The following RIGI variants were observed in gnomAD, a reference collection of about 807,000 sequenced individuals.
RIGI encodes antiviral innate immune response receptor RIG-I.
the RIGI span, among the ~76,000 whole-genome samples, chr9:32,503,793 C>G: frequency 6.6e-6 from 1 of 152,086 alleles, no homozygotes; most frequent in Non-Finnish European, 1.5e-5. Context: ...TCTAATCCCA[C>G]CACTTTGGGA....
the RIGI span, chr9:32,473,151 A>C: frequency 1.0e-6 from 1 of 974,252 alleles, no homozygotes. Flanking sequence ...AAAAAGAAAA[A>C]AATTTAAAGT....
At chr9:32,456,585 A>G in the RIGI span, 4 of 155,394 alleles carry the variant, frequency 2.6e-5, no homozygotes, top group East Asian at 7.6e-4. Context: ...AAAAAAGACT[A>G]GAATAGAACT....
At chr9:32,482,218 T>TG in the RIGI span, among the ~76,000 whole-genome samples, 10 of 151,710 alleles carry the variant, frequency 6.6e-5, no homozygotes, top group African/African-American at 2.4e-4. Context: ...TGTGTGTGTT[T>TG]GATTGTTTCT....
the RIGI span, among the ~76,000 whole-genome samples, chr9:32,461,544 G>A: frequency 2.5e-4 from 38 of 152,282 alleles, no homozygotes; most frequent in East Asian, 3.9e-4. Context: ...CAAGTGCCTC[G>A]TTTCTTTACA....
chr9:32,507,286 C>T, the RIGI span, among the ~76,000 whole-genome samples: 1 of 152,098 alleles, frequency 6.6e-6, no homozygotes, highest in Non-Finnish European at 1.5e-5. Flanking sequence ...TTATCTGTAA[C>T]TCATATAGGA....
chr9:32,475,684 C>G, the RIGI span, among the ~76,000 whole-genome samples: 41 of 152,050 alleles, frequency 2.7e-4, no homozygotes, highest in Non-Finnish European at 5.4e-4. Flanking sequence ...GACTGTAGAC[C>G]TAAATGTAAA....
At chr9:32,478,568 C>CTGAT in the RIGI span, among the ~76,000 whole-genome samples, 1 of 152,066 alleles carries the variant, frequency 6.6e-6, no homozygotes, top group Non-Finnish European at 1.5e-5. Flanking sequence ...TATTGATTGA[C>CTGAT]TGATTGATTG....
At chr9:32,485,130 G>C in the RIGI span, 1 of 1,350,422 alleles carries the variant, frequency 7.4e-7, no homozygotes, top group Non-Finnish European at 1.0e-6. Flanking sequence ...ACAATAAATG[G>C]CTATTCCCCA....
chr9:32,488,168 T>G, the RIGI span: 1 of 1,614,132 alleles, frequency 6.2e-7, no homozygotes, highest in Non-Finnish European at 8.5e-7. Context: ...TGGGACATTC[T>G]CAGCTGTTGC....
chr9:32,499,311 GATTTGTT>G, the RIGI span, among the ~76,000 whole-genome samples: 53 of 81,114 alleles, frequency 6.5e-4, no homozygotes, highest in African/African-American at 2.7e-3. Context: ...CAGAGTTTGT[GATTTGTT>G]TTTTTTTTTT....
At chr9:32,496,353 G>A in the RIGI span, among the ~76,000 whole-genome samples, 1 of 152,204 alleles carries the variant, frequency 6.6e-6, no homozygotes, top group East Asian at 1.9e-4. Context: ...GGGTGTGTCT[G>A]TAAGGGTGTT....
At chr9:32,457,301 G>A in the RIGI span, 2 of 1,614,066 alleles carry the variant, frequency 1.2e-6, no homozygotes, top group Non-Finnish European at 1.7e-6. Context: ...CTGCAGTTCT[G>A]TCGGGCACAG....
the RIGI span, chr9:32,456,862 GT>G: frequency 4.9e-6 from 2 of 410,642 alleles, no homozygotes; most frequent in Non-Finnish European, 8.7e-6. Context: ...TTTGTTGGCA[GT>G]TGACTCTAAA....
chr9:32,505,188 T>C, the RIGI span, among the ~76,000 whole-genome samples: 1 of 150,828 alleles, frequency 6.6e-6, no homozygotes, highest in Non-Finnish European at 1.5e-5. Context: ...ACTTTATCAA[T>C]CTAATAGAAA....
At chr9:32,479,705 C>T in the RIGI span, among the ~76,000 whole-genome samples, 4 of 151,788 alleles carry the variant, frequency 2.6e-5, no homozygotes, top group East Asian at 3.9e-4. Context: ...GGTGTGGTGG[C>T]GCACACCTGC....
At chr9:32,456,642 G>C in the RIGI span, 1 of 157,780 alleles carries the variant, frequency 6.3e-6, no homozygotes, top group African/African-American at 2.4e-5. Context: ...GTGCTCAACA[G>C]GGCCAAATGC....
the RIGI span, among the ~76,000 whole-genome samples, chr9:32,512,811 C>G: frequency 2.0e-5 from 3 of 151,990 alleles, no homozygotes; most frequent in Admixed American, 6.6e-5. Flanking sequence ...GATTGTATAT[C>G]TAGAAAACCC....
the RIGI span, among the ~76,000 whole-genome samples, chr9:32,504,038 AACACACACACACACACAC>A: frequency 1.5e-5 from 2 of 135,666 alleles, no homozygotes; most frequent in African/African-American, 5.6e-5. Context: ...CAAGACTCCA[AACACACACACACACACAC>A]ACACACACAC....
the RIGI span, chr9:32,477,045 C>T: frequency 6.2e-7 from 1 of 1,614,184 alleles, no homozygotes; most frequent in Non-Finnish European, 8.5e-7. Context: ...AAGTGGTACT[C>T]TTCTTGTAAG....
Sources: allele counts gnomAD v4.1 joint callset (sites outside exome capture counted in the v4.1 genomes callset), GRCh38; gene constraint gnomAD v4.1.1; transcripts MANE v1.5; gene names NCBI Gene and HGNC (gene_info 2026-07-23, HGNC 2026-07-21).